The following PCDH10 variants were observed in gnomAD, a reference collection of about 807,000 sequenced individuals.
PCDH10 encodes protocadherin 10, also known as protocadherin-10.
A neutral mutation model predicts 74.4 loss-of-function variants in PCDH10; 15 were observed. The observed-to-expected ratio is 0.20, with a 90% CI of 0.13 to 0.31. The LOEUF is 0.31. Ranked by LOEUF, PCDH10 falls within the 10% of genes least tolerant of loss-of-function variation. The probability of loss-of-function intolerance (pLI) is 1.00; values close to 1 mark genes in which losing one functional copy is unlikely to be tolerated. For missense variants in PCDH10, 1,260 were observed against 1,390.2 expected, an observed-to-expected ratio of 0.91 and a Z score of 1.49; for synonymous variants, 619 against 589.8, an observed-to-expected ratio of 1.05 and a Z score of -0.72.
rs529142735 is a variant in PCDH10 at position 133,170,923 on chromosome 4, G to A, written c.3103+7641G>A. Among the ~76,000 whole-genome samples, 15 of 151,830 alleles carry A rather than the reference G, an allele frequency of 9.9e-5. No homozygotes were observed. The South Asian group carries it at 3.1e-3, about 32-fold the overall frequency. ...TAGCCCAGATGGTCTCTGTCTCCTG[G>A]CCTCGGCCTCCCAAAGTGCTGGGAT... On this transcript the variant is annotated intron_variant, in intron 4 of 4. Transcript: ENST00000264360.
At chr4:133,198,166 G>A (rs994407922), downstream of PCDH10, among the ~76,000 whole-genome samples, 4 of 152,096 alleles carry the variant, frequency 2.6e-5, no homozygotes, top group South Asian at 6.2e-4. Flanking sequence ...CAACAAGCTG[G>A]CATGGGCTTT....
At chr4:133,167,420 G>T (rs974999979) in intron 4 of PCDH10, among the ~76,000 whole-genome samples, 1 of 151,466 alleles carries the variant, frequency 6.6e-6, no homozygotes, top group African/African-American at 2.4e-5. Context: ...TTTTCTTATA[G>T]ATACACATTA....
rs1441438979 is a variant in PCDH10 at position 133,163,265 on chromosome 4, A to G, written c.3086A>G (p.Tyr1029Cys). 2.5e-6 allele frequency: 4 copies of G among 1,611,762 alleles called. No homozygotes were observed. The African/African-American group carries it at 4.0e-5, about 16-fold the overall frequency. The change falls in exon 4 of 5, where the codon TAC (tyrosine) becomes TGC (cysteine). Residue 1029 changes from tyrosine to cysteine, a missense_variant. By Grantham distance (194) the Tyr-to-Cys change is radical. Transcript: ENST00000264360. ...CTGCTGACTAATACGCGAGCGCCTT[A>G]CAAACCACCATATTTGAGTAAGTAT... is the stretch of plus-strand genomic sequence containing the variant. ...DGLLTNTRAP[Y>C]KPPYLTRKRI... is the part of the protein sequence containing the mutation.
At chr4:133,188,631 C>A (rs1231862116) in intron 4 of PCDH10, among the ~76,000 whole-genome samples, 7 of 136,984 alleles carry the variant, frequency 5.1e-5, no homozygotes, top group African/African-American at 1.9e-4. Flanking sequence ...TTTTCACTTT[C>A]ATTTCTGTTG....
chr4:133,205,168 T>C (rs1332218186), intron 2 of PCDH10, among the ~76,000 whole-genome samples: 1 of 152,140 alleles, frequency 6.6e-6, no homozygotes, highest in Non-Finnish European at 1.5e-5. Flanking sequence ...AGTTAGGCTT[T>C]TTGAGGCCTT....
Position 133,151,268 on chromosome 4 carries a change from G to A in PCDH10, c.1128G>A (p.Val376=), listed in dbSNP as rs367564063. ...AVSEGAAPGT[V]VALFSVTDRD... is the part of the protein sequence containing the mutation. ...GTGAGGGCGCGGCGCCCGGCACTGT[G>A]GTGGCCCTTTTCAGCGTGACTGACC... The change falls in exon 1 of 5, where the codon GTG becomes GTA. Residue 376 remains valine, a synonymous_variant. Coordinates refer to ENST00000264360, the MANE Select transcript of PCDH10 (RefSeq NM_032961.3). The A allele has an allele frequency of 2.5e-6, 4 of 1,613,942 alleles. No individual in the cohort carries two copies. The African/African-American group carries it at 5.3e-5, about 22-fold the overall frequency.
At chr4:133,182,375 T>C (rs1578573279) in intron 4 of PCDH10, among the ~76,000 whole-genome samples, 1 of 152,044 alleles carries the variant, frequency 6.6e-6, no homozygotes, top group East Asian at 1.9e-4. Flanking sequence ...AAAGGAACTG[T>C]GTATTTTTTT....
At chr4:133,163,730 A>G (rs1727022595) in intron 4 of PCDH10, among the ~76,000 whole-genome samples, 1 of 152,202 alleles carries the variant, frequency 6.6e-6, no homozygotes, top group South Asian at 2.1e-4. Flanking sequence ...GATGACTTAC[A>G]TAGCAGATCC....
At chr4:133,202,854 T>C (rs1727929870) in intron 2 of PCDH10, among the ~76,000 whole-genome samples, 1 of 152,182 alleles carries the variant, frequency 6.6e-6, no homozygotes, top group African/African-American at 2.4e-5. Flanking sequence ...GTTCCCTCAG[T>C]TGTTCCCAGG....
intron 2 of PCDH10, among the ~76,000 whole-genome samples, chr4:133,207,267 G>C (rs942143631): frequency 2.0e-5 from 3 of 151,860 alleles, no homozygotes; most frequent in Non-Finnish European, 4.4e-5. Context: ...CATTGCATTG[G>C]TTTATTTACC....
At chr4:133,170,607 T>A in intron 4 of PCDH10, among the ~76,000 whole-genome samples, 1 of 152,210 alleles carries the variant, frequency 6.6e-6, no homozygotes, top group East Asian at 1.9e-4. Flanking sequence ...TAATGGCTAC[T>A]TTATTATCAG....
intron 3 of PCDH10, 35 bp downstream of exon 3, chr4:133,155,058 T>C (rs2125860263): frequency 1.5e-6 from 2 of 1,366,782 alleles, no homozygotes; most frequent in Non-Finnish European, 1.0e-6. Context: ...AAATGCTAAC[T>C]TTTATAGTTT....
rs1197121215 is a variant in PCDH10, at chr4:133,193,868, C to A, written c.*3708C>A. ...GTGGTAAAGGCTTTGCACTTAACAT[C>A]CTTTTGTGTTCCTTTTTAACAAGGA... On this transcript the variant is annotated 3_prime_UTR_variant, in exon 5 of 5. Transcript: ENST00000264360. The A allele has an allele frequency of 6.6e-6, 1 of 151,588 alleles. No homozygotes were observed. Among genetic ancestry groups the A allele is most frequent in the East Asian group, 1.9e-4 (1 of 5,186 alleles). 9.4% of individuals were successfully genotyped at this position (151,588 alleles called of 1,614,324 possible). A position where few individuals can be genotyped will look rare whatever the true frequency, so the allele number is the denominator to read the frequency against.
intron 3 of PCDH10, among the ~76,000 whole-genome samples, chr4:133,161,760 A>G (rs1726975714): frequency 6.6e-6 from 1 of 151,960 alleles, no homozygotes; most frequent in Non-Finnish European, 1.5e-5. Flanking sequence ...TTTAAAAAAT[A>G]AAGTGGCCTA....
Position 133,193,112 on chromosome 4 carries a change from A to G in PCDH10, c.*2952A>G, listed in dbSNP as rs1342979941. The G allele has an allele frequency of 6.6e-6, 1 of 151,680 alleles. No homozygotes were observed. Among genetic ancestry groups the G allele is most frequent in the Non-Finnish European group, 1.5e-5 (1 of 67,644 alleles). The allele number at this position is 151,680 out of a possible 1,614,324, so 9.4% of individuals were successfully genotyped here. A position where few individuals can be genotyped will look rare whatever the true frequency, so the allele number is the denominator to read the frequency against. The stretch of plus-strand genomic sequence containing the variant: ...AATTTCCTGTGGAAACAGTGTCTTA[A>G]TGTTTCAAAGGTATGTCAAAAGACA... On this transcript the variant is annotated 3_prime_UTR_variant, in exon 5 of 5. Coordinates refer to ENST00000264360, the MANE Select transcript of PCDH10 (RefSeq NM_032961.3).
At chr4:133,153,142 T>C in intron 1 of PCDH10, 1 of 1,207,826 alleles carries the variant, frequency 8.3e-7, no homozygotes, top group Non-Finnish European at 1.0e-6. Flanking sequence ...GGCAAAGGTC[T>C]TTTTTCTTTG....
intron 4 of PCDH10, among the ~76,000 whole-genome samples, chr4:133,170,276 C>T (rs1341961005): frequency 6.6e-6 from 1 of 152,052 alleles, no homozygotes; most frequent in African/African-American, 2.4e-5. Flanking sequence ...TACCCATATT[C>T]TTTCTCTTAG....
chr4:133,167,655 G>A (rs1044284409), intron 4 of PCDH10, among the ~76,000 whole-genome samples: 5 of 151,294 alleles, frequency 3.3e-5, no homozygotes, highest in African/African-American at 9.7e-5. Flanking sequence ...TCTCTTCCAT[G>A]TTGTGCTACT....
chr4:133,187,135 C>G (rs1051817818), intron 4 of PCDH10, among the ~76,000 whole-genome samples: 2 of 152,000 alleles, frequency 1.3e-5, no homozygotes, highest in African/African-American at 2.4e-5. Flanking sequence ...ATTTTTGGCT[C>G]CTCTGTATCC....
Sources: allele counts gnomAD v4.1 joint callset (sites outside exome capture counted in the v4.1 genomes callset), GRCh38; gene constraint gnomAD v4.1.1; transcripts MANE v1.5; gene names NCBI Gene and HGNC (gene_info 2026-07-23, HGNC 2026-07-21).